The following GRIA4 variants were observed in gnomAD, a reference collection of about 807,000 sequenced individuals.
GRIA4 encodes glutamate receptor 4.
A neutral mutation model predicts 104.0 loss-of-function variants in GRIA4; 34 were observed. The ratio of observed to expected loss-of-function variants is 0.33; its 90% CI spans 0.25 to 0.44. The LOEUF is 0.44. Ranked by LOEUF, GRIA4 falls within the 20% of genes least tolerant of loss-of-function variation. The pLI is 1.00. For missense variants in GRIA4, 750 were observed against 1,096.5 expected, an observed-to-expected ratio of 0.68 and a Z score of 4.46; for synonymous variants, 386 against 381.9, an observed-to-expected ratio of 1.01 and a Z score of -0.13.
intron 4 of GRIA4, among the ~76,000 whole-genome samples, chr11:105,792,451 T>C (rs1263794357): frequency 6.6e-6 from 1 of 152,108 alleles, no homozygotes; most frequent in Admixed American, 6.6e-5. Context: ...AATTTTTATA[T>C]ATTTGTATTA....
At chr11:105,805,095 A>T (rs1284907598) in intron 4 of GRIA4, among the ~76,000 whole-genome samples, 6 of 151,970 alleles carry the variant, frequency 3.9e-5, no homozygotes, top group Non-Finnish European at 7.4e-5. Flanking sequence ...ATGCAAAATT[A>T]TATGCATAAT....
intron 9 of GRIA4, 51 bp from the exon 10 acceptor site, chr11:105,910,384 T>A (rs1266605859): frequency 1.2e-6 from 1 of 867,618 alleles, no homozygotes; most frequent in East Asian, 2.5e-5. Flanking sequence ...TAAGAAGAAC[T>A]AGAGTAAATG....
intron 3 of GRIA4, among the ~76,000 whole-genome samples, chr11:105,662,644 A>G (rs1360339148): frequency 6.6e-6 from 1 of 151,992 alleles, no homozygotes; most frequent in Non-Finnish European, 1.5e-5. Flanking sequence ...CTCATTCTTT[A>G]CTCATTCTGA....
At chr11:105,928,099 C>G (rs776694921) in intron 13 of GRIA4, among the ~76,000 whole-genome samples, 3 of 151,926 alleles carry the variant, frequency 2.0e-5, no homozygotes, top group Non-Finnish European at 4.4e-5. Context: ...CTTAGGCCAG[C>G]TTTAACTTTT....
intron 5 of GRIA4, among the ~76,000 whole-genome samples, chr11:105,866,034 T>C (rs530015761): frequency 2.9e-4 from 44 of 152,322 alleles, no homozygotes; most frequent in Middle Eastern, 3.4e-3. Flanking sequence ...CATCTACCTC[T>C]TTCTTTGGTC....
Position 105,824,300 on chromosome 11 carries a change from T to A in GRIA4, c.488-37724T>A, listed in dbSNP as rs184639329. ...ACTCTCAATGGCAACCACTTTCAGC[T>A]GTTTTAGTTGTTTCTTATGGTGTAT... On this transcript the variant is annotated intron_variant, in intron 4 of 16. Coordinates refer to ENST00000282499, the MANE Select transcript of GRIA4 (RefSeq NM_000829.4). Among the ~76,000 whole-genome samples, 381 of 152,202 alleles carry A rather than the reference T, an allele frequency of 2.5e-3. 3 individuals are homozygous for A. The highest frequency in any genetic ancestry group is 3.5e-3 in the Non-Finnish European group (241 of 67,994).
At chr11:105,847,722 T>A (rs1462361647) in intron 4 of GRIA4, among the ~76,000 whole-genome samples, 3 of 152,210 alleles carry the variant, frequency 2.0e-5, no homozygotes, top group African/African-American at 7.2e-5. Flanking sequence ...AAAGCAACTT[T>A]GGATCTGTCA....
intron 4 of GRIA4, among the ~76,000 whole-genome samples, chr11:105,763,511 T>G (rs1219404841): frequency 6.6e-6 from 1 of 152,158 alleles, no homozygotes; most frequent in African/African-American, 2.4e-5. Flanking sequence ...TTTTTATTGT[T>G]TTTTTCCTTC....
intron 4 of GRIA4, among the ~76,000 whole-genome samples, chr11:105,787,363 CG>C (rs1933020439): frequency 6.6e-6 from 1 of 151,334 alleles, no homozygotes; most frequent in African/African-American, 2.4e-5. Flanking sequence ...ATACAGAAAA[CG>C]TAAGATACTG....
intron 3 of GRIA4, among the ~76,000 whole-genome samples, chr11:105,693,528 T>C (rs1953163179): frequency 6.6e-6 from 1 of 152,228 alleles, no homozygotes; most frequent in South Asian, 2.1e-4. Flanking sequence ...ATCTTACTGA[T>C]GGCCAGAGTA....
At chr11:105,888,254 G>C (rs972327241) in intron 6 of GRIA4, among the ~76,000 whole-genome samples, 1 of 111,756 alleles carries the variant, frequency 8.9e-6, no homozygotes, top group Non-Finnish European at 1.8e-5. Flanking sequence ...TATTGGAGAA[G>C]TTAAGGATGT....
intron 14 of GRIA4, among the ~76,000 whole-genome samples, chr11:105,961,109 A>AG (rs1372266093): frequency 6.6e-6 from 1 of 152,220 alleles, no homozygotes; most frequent in African/African-American, 2.4e-5. Flanking sequence ...TCAGTGAATG[A>AG]GAATGCCTGC....
chr11:105,614,946 G>A (rs1950563878), intron 3 of GRIA4, among the ~76,000 whole-genome samples: 1 of 151,808 alleles, frequency 6.6e-6, no homozygotes, highest in Non-Finnish European at 1.5e-5. Context: ...GTAAAAATAG[G>A]TCTTGAAATT....
chr11:105,834,654 CAT>C (rs1944107238), intron 4 of GRIA4, among the ~76,000 whole-genome samples: 1 of 150,130 alleles, frequency 6.7e-6, no homozygotes, highest in Non-Finnish European at 1.5e-5. Flanking sequence ...TGCAATGAAA[CAT>C]AGAGTTATTT....
At chr11:105,812,918 G>A (rs1943233258) in intron 4 of GRIA4, among the ~76,000 whole-genome samples, 1 of 151,812 alleles carries the variant, frequency 6.6e-6, no homozygotes. Flanking sequence ...CGGCTAACAT[G>A]GTGAAACCCC....
At chr11:105,639,962 C>G (rs1269196305) in intron 3 of GRIA4, among the ~76,000 whole-genome samples, 2 of 151,770 alleles carry the variant, frequency 1.3e-5, no homozygotes, top group African/African-American at 2.4e-5. Context: ...TTTTTTTATG[C>G]TGCTTATATC....
intron 4 of GRIA4, among the ~76,000 whole-genome samples, chr11:105,852,003 C>T (rs1944829244): frequency 6.6e-6 from 1 of 152,090 alleles, no homozygotes; most frequent in Non-Finnish European, 1.5e-5. Flanking sequence ...AACAAATATT[C>T]ATTGAGTGAA....
At chr11:105,681,222 G>A (rs887758586) in intron 3 of GRIA4, among the ~76,000 whole-genome samples, 5 of 152,184 alleles carry the variant, frequency 3.3e-5, no homozygotes, top group African/African-American at 1.2e-4. Context: ...GAAAACAATA[G>A]TTTTGCATGC....
At chr11:105,679,466 G>A (rs188959918) in intron 3 of GRIA4, among the ~76,000 whole-genome samples, 116 of 152,132 alleles carry the variant, frequency 7.6e-4, no homozygotes, top group African/African-American at 2.2e-3. Context: ...CCAAATATAC[G>A]CAATAACAAA....
Sources: allele counts gnomAD v4.1 joint callset (sites outside exome capture counted in the v4.1 genomes callset), GRCh38; gene constraint gnomAD v4.1.1; transcripts MANE v1.5; gene names NCBI Gene and HGNC (gene_info 2026-07-23, HGNC 2026-07-21).